The following SUV39H1 variants were observed in gnomAD, a reference collection of about 807,000 sequenced individuals.
The protein encoded by SUV39H1 is SUV39H1 histone lysine methyltransferase.
For missense variants in SUV39H1, 180 were observed against 386.3 expected (o/e 0.47, Z 4.48); for synonymous variants, 141 against 150.5 (o/e 0.94, Z 0.46).
Position 48,700,342 on chromosome X carries a change from C to T in SUV39H1, c.417C>T (p.Arg139=). The stretch of plus-strand genomic sequence containing the variant: ...GGGAGCAGGAGCTCAATGCCAAGCG[C>T]AGCCATCTGGGACGCATCACTGTAG... ...RRWEQELNAK[R]SHLGRITVEN... The change falls in exon 3 of 6, where the codon CGC becomes CGT. Residue 139 remains arginine (R), a synonymous_variant. Transcript: ENST00000376687. 8.2e-7 allele frequency: 1 copy of T among 1,212,234 alleles called. No homozygotes were observed. The highest frequency in any genetic ancestry group is 1.1e-6 in the Non-Finnish European group (1 of 895,585).
At chrX:48,695,692 G>C (rs1404645054), upstream of SUV39H1, 6 of 1,128,446 alleles carry the variant, frequency 5.3e-6, no homozygotes, top group Non-Finnish European at 5.8e-6. Context: ...CGGATTGAAC[G>C]AGTCACAGGC....
At position 48,700,155 on chromosome X, in the gene SUV39H1, G is replaced by A; in HGVS notation, c.230G>A (p.Arg77Gln). Reference sequence around the variant, plus strand: ...GACTCAGAGAGCACCTGGGAGCCACGGCAGAATCTCAAGTGTGTGCGTATC... The same window carrying A: ...GACTCAGAGAGCACCTGGGAGCCACAGCAGAATCTCAAGTGTGTGCGTATC... Reference protein sequence around the residue: ...YPDSESTWEPRQNLKCVRILK... With the variant: ...YPDSESTWEPQQNLKCVRILK... Residue 77 changes from arginine (R) to glutamine (Q), a missense_variant, in exon 3 of 6, where the codon CGG becomes CAG. Arg to Gln is a conservative substitution (Grantham distance 43). Coordinates refer to ENST00000376687, the MANE Select transcript of SUV39H1 (RefSeq NM_003173.4). 2.5e-6 allele frequency: 3 copies of A among 1,189,329 alleles called. No homozygotes were observed. The highest frequency in any genetic ancestry group is 3.4e-6 in the Non-Finnish European group (3 of 883,118).
intron 1 of SUV39H1, among the ~76,000 whole-genome samples, chrX:48,698,217 G>A (rs1470011612): frequency 8.9e-6 from 1 of 112,107 alleles, no homozygotes; most frequent in Non-Finnish European, 1.9e-5. Context: ...GAACTCTTCT[G>A]TGAGGCTATT....
At chrX:48,700,069 T>TC in intron 2 of SUV39H1, 22 bp from the exon 3 acceptor site, 4 of 719,884 alleles carry the variant, frequency 5.6e-6, no homozygotes, top group Non-Finnish European at 6.1e-6. Flanking sequence ...GGTACCCCCG[T>TC]CCCCCTACCC....
At position 48,700,314 on chromosome X, in the gene SUV39H1, G is replaced by A. The variant is rs2062470286; in HGVS notation, c.389G>A (p.Arg130His). The A allele has an allele frequency of 4.1e-6, 5 of 1,209,734 alleles. No individual in the cohort carries two copies. The African/African-American group carries it at 5.2e-5, about 13-fold the overall frequency. Residue 130 changes from arginine to histidine, a missense_variant, in exon 3 of 6, where the codon CGC becomes CAC. Arg to His is a conservative substitution (Grantham distance 29). Transcript: ENST00000376687. ...QKAKQRRALR[R>H]WEQELNAKRS... ...GCCAAGCAGAGGCGGGCGCTCCGTC[G>A]CTGGGAGCAGGAGCTCAATGCCAAG...
chrX:48,696,576 A>G, upstream of SUV39H1: 1 of 389,526 alleles, frequency 2.6e-6, no homozygotes, highest in Non-Finnish European at 4.1e-6. Context: ...GCCGCCGCCC[A>G]GACGCACTCT....
At position 48,708,946 on chromosome X, in the gene SUV39H1, C is replaced by T. The variant is rs1208251561; in HGVS notation, c.*1376C>T. 9.1e-6 allele frequency: 1 copy of T among 110,490 alleles called. No individual in the cohort carries two copies. Among genetic ancestry groups the T allele is most frequent in the African/African-American group, 3.3e-5 (1 of 30,332 alleles). The allele number at this position is 110,490 out of a possible 1,213,427, so 9.1% of individuals were successfully genotyped here. A position where few individuals can be genotyped will look rare whatever the true frequency, so the allele number is the denominator to read the frequency against. On this transcript the variant is annotated 3_prime_UTR_variant, in exon 6 of 6. Coordinates refer to ENST00000376687, the MANE Select transcript of SUV39H1 (RefSeq NM_003173.4). ...CCAGGCATGGACTGAATCTGGTTCTCCTCTTGTACACCCCTCAACCCTATG... is the reference window on the plus strand; with the variant it reads ...CCAGGCATGGACTGAATCTGGTTCTTCTCTTGTACACCCCTCAACCCTATG...
intron 3 of SUV39H1, among the ~76,000 whole-genome samples, chrX:48,702,565 C>T (rs1433215848): frequency 9.0e-6 from 1 of 110,976 alleles, no homozygotes; most frequent in Non-Finnish European, 1.9e-5. Context: ...AGTCCACCGT[C>T]CTAGGGGCTG....
upstream of SUV39H1, chrX:48,695,752 C>T (rs2062452357): frequency 5.2e-6 from 6 of 1,153,237 alleles, no homozygotes; most frequent in South Asian, 3.8e-5. Flanking sequence ...GATGGCTGTA[C>T]GTGGTTACGG....
intron 1 of SUV39H1, 100 bp downstream of exon 1, chrX:48,696,903 G>C (rs1477853891): frequency 2.9e-5 from 18 of 628,915 alleles, no homozygotes; most frequent in Non-Finnish European, 3.6e-5. Flanking sequence ...AGGCCCCGGC[G>C]CCGGGAGCCG....
chrX:48,696,012 C>T (rs72619028), upstream of SUV39H1: 15,517 of 900,586 alleles, frequency 0.017, 138 homozygotes, highest in East Asian at 0.075. Flanking sequence ...CCCGACAGGG[C>T]TGTATTAGAT....
chrX:48,700,856 C>T (rs1036584792), intron 3 of SUV39H1, 103 bp downstream of exon 3: 3 of 1,019,686 alleles, frequency 2.9e-6, no homozygotes, highest in Non-Finnish European at 4.0e-6. Flanking sequence ...CCTGCTTTCC[C>T]TATGGGAAAG....
At chrX:48,700,909 G>T (rs146267896) in intron 3 of SUV39H1, 156 bp downstream of exon 3, 4 of 677,747 alleles carry the variant, frequency 5.9e-6, no homozygotes, top group Non-Finnish European at 9.2e-6. Flanking sequence ...ATTGGGCAGG[G>T]GCTAGTATTC....
At chrX:48,705,571 T>C (rs1349004961) in intron 3 of SUV39H1, among the ~76,000 whole-genome samples, 2 of 112,646 alleles carry the variant, frequency 1.8e-5, no homozygotes, top group Non-Finnish European at 3.8e-5. Context: ...CCCACTGCCG[T>C]CTGAAGCACC....
At chrX:48,706,660 C>T in intron 5 of SUV39H1, 33 bp downstream of exon 5, 2 of 1,175,924 alleles carry the variant, frequency 1.7e-6, no homozygotes, top group African/African-American at 1.8e-5. Context: ...GGCAGGGGCG[C>T]ACTGTGACTT....
intron 2 of SUV39H1, 149 bp downstream of exon 2, chrX:48,699,196 CT>C: frequency 1.7e-6 from 1 of 586,920 alleles, no homozygotes. Context: ...CCTTTTATCC[CT>C]ATGTTACAGA....
At chrX:48,706,772 C>G in intron 5 of SUV39H1, 145 bp downstream of exon 5, 1 of 731,082 alleles carries the variant, frequency 1.4e-6, no homozygotes, top group Non-Finnish European at 2.0e-6. Flanking sequence ...CCCAGTCCCC[C>G]ATTCGGACTA....
At chrX:48,699,104 C>T in intron 2 of SUV39H1, 57 bp downstream of exon 2, 1 of 1,133,866 alleles carries the variant, frequency 8.8e-7, no homozygotes, top group Non-Finnish European at 1.2e-6. Context: ...AGTTAGTGTC[C>T]TGCCCTCTTG....
intron 1 of SUV39H1, among the ~76,000 whole-genome samples, 153 bp downstream of exon 1, chrX:48,696,956 T>G (rs1324168794): frequency 1.1e-5 from 1 of 90,037 alleles, no homozygotes; most frequent in African/African-American, 4.1e-5. Flanking sequence ...AGCGCGGGCC[T>G]GGTGCGCGGG....
Sources: gnomAD v4.1 joint callset for allele counts (sites outside exome capture counted in the v4.1 genomes callset) on GRCh38, gnomAD v4.1.1 for gene constraint, MANE v1.5 for transcripts, NCBI Gene and HGNC (gene_info 2026-07-23, HGNC 2026-07-21) for gene names.